TLN1: variants seen among roughly 807,000 people sequenced by gnomAD.
TLN1 encodes the protein talin 1, also known as talin-1.
A neutral mutation model predicts 292.3 loss-of-function variants in TLN1; 56 were observed. That is an observed-to-expected ratio of 0.19 (90% CI 0.15 to 0.24). The LOEUF (loss-of-function observed/expected upper bound fraction) is 0.24, where lower values mean the gene tolerates loss of function less well. TLN1 is among the 10% of genes least tolerant of loss of function. TLN1 has a pLI of 1.00. For missense variants in TLN1, 2,433 were observed against 3,248.2 expected (o/e 0.75, Z 6.10); for synonymous variants, 1,119 against 1,253.7 (o/e 0.89, Z 2.27).
chr9:35,708,061 T>C (rs1825596593), intron 34 of TLN1, 169 bp from the exon 35 acceptor site: 1 of 816,000 alleles, frequency 1.2e-6, no homozygotes, highest in African/African-American at 1.7e-5. Context: ...TACCCAAAGA[T>C]GAACTGGGCA....
chr9:35,704,915 T>C lies in TLN1; in HGVS notation c.5734-100A>G, dbSNP rs1825536704. ...CTAAGGACATAGAAAAAAACATGCA[T>C]TGTAGACTAAAGAAGCAGAGAGAGA... is the stretch of plus-strand genomic sequence containing the variant. On this transcript the variant is annotated intron_variant, in intron 43 of 56. Coordinates refer to ENST00000314888, the MANE Select transcript of TLN1 (RefSeq NM_006289.4). This position sits in a 1 kb window ranked among gnomAD's most constrained non-coding sequence, Gnocchi z 6.9. 2.2e-6 allele frequency: 3 copies of C among 1,371,506 alleles called. No homozygotes were observed. The East Asian group carries it at 7.1e-5, about 32-fold the overall frequency. 85.0% of individuals were successfully genotyped at this position (1,371,506 alleles called of 1,614,324 possible).
At position 35,704,618 on chromosome 9, in the gene TLN1, G is replaced by C; in HGVS notation, c.5880+51C>G. 1.9e-6 allele frequency: 3 copies of C among 1,607,258 alleles called. No individual in the cohort carries two copies. Among genetic ancestry groups the C allele is most frequent in the African/African-American group, 1.3e-5 (1 of 74,940 alleles). On this transcript the variant is annotated intron_variant, in intron 44 of 56. Coordinates refer to ENST00000314888, the MANE Select transcript of TLN1 (RefSeq NM_006289.4). The surrounding 1 kb of genome is among the most constrained non-coding windows in gnomAD (Gnocchi z 6.9). Reference sequence around the variant, plus strand: ...AGAGGGCTGGAGGAGGATGGCAAAGGCTACAGAGTTTGGAGGCAGTCCCAC... The same window carrying C: ...AGAGGGCTGGAGGAGGATGGCAAAGCCTACAGAGTTTGGAGGCAGTCCCAC...
rs1024861563 is a variant in TLN1, at chr9:35,723,984, G to A, written c.750C>T (p.His250=). The part of the protein sequence containing the change: ...GFQCQIQFGP[H]NEQKHKAGFL... ...AGCCAGCCTTGTGCTTCTGCTCATT[G>A]TGGGGCCCAAACTGGATCTGGCATT... The change falls in exon 7 of 57, where the codon CAC becomes CAT. Residue 250 remains histidine (H), a synonymous_variant. Coordinates refer to ENST00000314888, the MANE Select transcript of TLN1 (RefSeq NM_006289.4). The A allele has an allele frequency of 6.2e-7, 1 of 1,614,148 alleles. No homozygotes were observed. The highest frequency in any genetic ancestry group is 8.5e-7 in the Non-Finnish European group (1 of 1,180,010).
intron 1 of TLN1, among the ~76,000 whole-genome samples, chr9:35,729,118 T>C (rs1379255593): frequency 6.6e-6 from 1 of 152,194 alleles, no homozygotes; most frequent in Non-Finnish European, 1.5e-5. Flanking sequence ...ATCCTTACAG[T>C]AGGTGTCATT....
chr9:35,702,778 T>C (rs1308346698), intron 48 of TLN1, among the ~76,000 whole-genome samples: 1 of 151,684 alleles, frequency 6.6e-6, no homozygotes, highest in Non-Finnish European at 1.5e-5. Context: ...CCCGCTGGCC[T>C]CCCAAAGTGC....
chr9:35,698,271 C>G lies in TLN1; in HGVS notation c.7371+52G>C. 6.2e-7 allele frequency: 1 copy of G among 1,608,380 alleles called. No individual in the cohort carries two copies. The highest frequency in any genetic ancestry group is 1.1e-5 in the South Asian group (1 of 90,756). ...ATAGAAACATACATCTCGGGAGTGA[C>G]AGTTTGAAGCAGTATAGCCCAAGGG... On this transcript the variant is annotated intron_variant, in intron 55 of 56. Coordinates refer to ENST00000314888, the MANE Select transcript of TLN1 (RefSeq NM_006289.4). This position sits in a 1 kb window ranked among gnomAD's most constrained non-coding sequence, Gnocchi z 5.3.
rs1825815018 is a variant in TLN1 at position 35,717,978 on chromosome 9, C to T, written c.1996-192G>A. On this transcript the variant is annotated intron_variant, in intron 17 of 56. Coordinates refer to ENST00000314888, the MANE Select transcript of TLN1 (RefSeq NM_006289.4). This position sits in a 1 kb window ranked among gnomAD's most constrained non-coding sequence, Gnocchi z 4.7. ...CAGAACCCCCACCGAGGAACAAACC[C>T]ACACCAAGAGAAAATACAGCCTACA... Among the ~76,000 whole-genome samples the T allele has an allele frequency of 6.6e-6, 1 of 152,176 alleles. No homozygotes were observed. Among genetic ancestry groups the T allele is most frequent in the Admixed American group, 6.5e-5 (1 of 15,276 alleles).
intron 33 of TLN1, 46 bp downstream of exon 33, chr9:35,710,515 T>A (rs1587981459): frequency 6.3e-7 from 1 of 1,585,668 alleles, no homozygotes; most frequent in African/African-American, 1.4e-5. Flanking sequence ...GAAAATGGGG[T>A]AAAGAAAGTA....
chr9:35,724,658 G>T lies in TLN1; in HGVS notation c.425C>A (p.Thr142Lys). 3 of 1,614,148 alleles carry T rather than the reference G, an allele frequency of 1.9e-6. No individual in the cohort carries two copies. Among genetic ancestry groups the T allele is most frequent in the Non-Finnish European group, 2.5e-6 (3 of 1,180,048 alleles). Residue 142 changes from threonine to lysine, a missense_variant, in exon 5 of 57, where the codon ACA (threonine) becomes AAA (lysine). Coordinates refer to ENST00000314888, the MANE Select transcript of TLN1 (RefSeq NM_006289.4). This position sits in a 1 kb window ranked among gnomAD's most constrained non-coding sequence, Gnocchi z 4.7. ...ELMEEKKEEI[T>K]GTLRKDKTLL... ...TGTCTTGTCCTTTCTTAAGGTCCCT[G>T]TTATTTCCTCCTTTTTCTCTTCCAT...
Position 35,719,741 on chromosome 9 carries a change from G to A in TLN1, c.1577C>T (p.Ala526Val), listed in dbSNP as rs1161314089. 6.2e-7 allele frequency: 1 copy of A among 1,609,924 alleles called. No individual in the cohort carries two copies. Among genetic ancestry groups the A allele is most frequent in the South Asian group, 1.1e-5 (1 of 90,482 alleles). Reference protein sequence around the residue: ...FDTLPPLGQDAASKAWRKNKM... With the variant: ...FDTLPPLGQDVASKAWRKNKM... ...GCCTCTCCTCCATCCCATACTTACA[G>A]CATCCTGGCCAAGAGGCGGCAGAGT... Residue 526 changes from alanine to valine, a missense_variant and splice_region_variant, in exon 14 of 57, where the codon GCT (alanine) becomes GTT (valine). By Grantham distance (64) the Ala-to-Val change is moderately conservative (BLOSUM62 0). Coordinates refer to ENST00000314888, the MANE Select transcript of TLN1 (RefSeq NM_006289.4). The surrounding 1 kb of genome is among the most constrained non-coding windows in gnomAD (Gnocchi z 4.6).
Position 35,720,170 on chromosome 9 carries a change from C to A in TLN1, c.1333G>T (p.Gly445Cys), listed in dbSNP as rs1288394763. 1 of 1,609,090 alleles carries A rather than the reference C, an allele frequency of 6.2e-7. No homozygotes were observed. The highest frequency in any genetic ancestry group is 1.1e-5 in the South Asian group (1 of 90,344). The change falls in exon 13 of 57, where the codon GGC becomes TGC. Residue 445 changes from glycine to cysteine, a missense_variant. Gly to Cys is a radical substitution (Grantham distance 159, BLOSUM62 -3). Around this residue, in one of 7 missense-constraint regions of TLN1, gnomAD observed 617 missense variants for 770.6 expected, o/e 0.80. Coordinates refer to ENST00000314888, the MANE Select transcript of TLN1 (RefSeq NM_006289.4). ...QYNRVGKVEH[G>C]SVALPAIMRS... is the part of the protein sequence containing the mutation. ...ATGATGGCAGGCAGGGCCACAGAGC[C>A]ATGCTCCACTTTCCCCACCCGGTTG...
In TLN1 at chr9:35,698,224, G is replaced by A; in HGVS notation, c.7372-52C>T. 6.2e-7 allele frequency: 1 copy of A among 1,610,942 alleles called. No individual in the cohort carries two copies. The highest frequency in any genetic ancestry group is 8.5e-7 in the Non-Finnish European group (1 of 1,177,826). ...TGAGAACTCAGGTACGGTCCCAGTT[G>A]AGACAGTACCTCAATTCTCTCATAG... On this transcript the variant is annotated intron_variant, in intron 55 of 56. Coordinates refer to ENST00000314888, the MANE Select transcript of TLN1 (RefSeq NM_006289.4). This position sits in a 1 kb window ranked among gnomAD's most constrained non-coding sequence, Gnocchi z 5.3.
intron 1 of TLN1, among the ~76,000 whole-genome samples, chr9:35,728,913 C>T (rs190323964): frequency 6.6e-6 from 1 of 152,164 alleles, no homozygotes; most frequent in African/African-American, 2.4e-5. Flanking sequence ...AGAATCACAA[C>T]GGAGGGCAGG....
At position 35,714,706 on chromosome 9, in the gene TLN1, T is replaced by C; in HGVS notation, c.2872-19A>G. On this transcript the variant is annotated intron_variant, in intron 22 of 56. Transcript: ENST00000314888. The surrounding 1 kb of genome is among the most constrained non-coding windows in gnomAD (Gnocchi z 4.6). ...CCACTGCCTGTAGGTGAAAATGTCA[T>C]AAGAGACCCACAAGTCTCCCTCTTC... The C allele has an allele frequency of 3.1e-6, 5 of 1,613,576 alleles. No individual in the cohort carries two copies. Among genetic ancestry groups the C allele is most frequent in the East Asian group, 2.2e-5 (1 of 44,872 alleles).
chr9:35,722,380 A>T (rs1022158049), intron 8 of TLN1, among the ~76,000 whole-genome samples, 157 bp from the exon 9 acceptor site: 5 of 152,238 alleles, frequency 3.3e-5, no homozygotes, highest in African/African-American at 9.6e-5. Context: ...ATGGAGGCTG[A>T]TAAGGGCTAT....
Position 35,714,226 on chromosome 9 carries a change from C to A in TLN1, c.3120+13G>T. 6.2e-7 allele frequency: 1 copy of A among 1,601,772 alleles called. No homozygotes were observed. The highest frequency in any genetic ancestry group is 1.7e-4 in the Middle Eastern group (1 of 6,010). On this transcript the variant is annotated intron_variant, in intron 24 of 56. Coordinates refer to ENST00000314888, the MANE Select transcript of TLN1 (RefSeq NM_006289.4). The surrounding 1 kb of genome is among the most constrained non-coding windows in gnomAD (Gnocchi z 4.6). ...CCAGCCTCATCTTCCAAAGCCAGAA[C>A]CAGCTTCCATACCTTCTGGGCAGCC...
rs745813781 is a variant in TLN1 at position 35,721,750 on chromosome 9, C to T, written c.1002G>A (p.Lys334=). The part of the protein sequence containing the change: ...KLVPRLLGIT[K]ECVMRVDEKT... The stretch of plus-strand genomic sequence containing the variant: ...TCTCATCCACTCGCATCACACACTC[C>T]TTGGTGATGCCCAGAAGCCTGGGCA... The change falls in exon 10 of 57, where the codon AAG becomes AAA. Residue 334 remains lysine (K), a synonymous_variant. Coordinates refer to ENST00000314888, the MANE Select transcript of TLN1 (RefSeq NM_006289.4). The T allele has an allele frequency of 2.5e-6, 4 of 1,613,736 alleles. No homozygotes were observed. In the East Asian group the frequency reaches 8.9e-5, roughly 36 times the overall value.
Position 35,725,734 on chromosome 9 carries a change from C to G in TLN1, c.-33-7G>C, listed in dbSNP as rs1236020737. On this transcript the variant is annotated splice_polypyrimidine_tract_variant and splice_region_variant and intron_variant, in intron 1 of 56. Coordinates refer to ENST00000314888, the MANE Select transcript of TLN1 (RefSeq NM_006289.4). ...TTCTCCAGCCTGGCTATACCTGACC[C>G]ATGGCATCAGGGCATTAGAATACAC... is the stretch of plus-strand genomic sequence containing the variant. 4.4e-6 allele frequency: 7 copies of G among 1,608,850 alleles called. No individual in the cohort carries two copies. The African/African-American group carries it at 9.4e-5, about 21-fold the overall frequency.
chr9:35,716,461 T>C lies in TLN1; in HGVS notation c.2554A>G (p.Asn852Asp). The change falls in exon 20 of 57, where the codon AAC becomes GAC. Residue 852 changes from asparagine to aspartate, a missense_variant. Asn to Asp is a conservative substitution (Grantham distance 23). Around this residue, in one of 7 missense-constraint regions of TLN1, gnomAD observed 617 missense variants for 770.6 expected, o/e 0.80. Coordinates refer to ENST00000314888, the MANE Select transcript of TLN1 (RefSeq NM_006289.4). ...ADAEGESDLE[N>D]SRKLLSAAKI... is the part of the protein sequence containing the mutation. ...GCAGCACTTAAGAGCTTGCGGGAGT[T>C]CTCCAGATCACTTTCCCCCTCAGCA... is the stretch of plus-strand genomic sequence containing the variant. The C allele has an allele frequency of 1.9e-6, 3 of 1,614,160 alleles. No homozygotes were observed. Among genetic ancestry groups the C allele is most frequent in the Non-Finnish European group, 2.5e-6 (3 of 1,180,042 alleles).
Sources: gnomAD v4.1 joint callset for allele counts (sites outside exome capture counted in the v4.1 genomes callset) on GRCh38, gnomAD v4.1.1 for gene constraint, gnomAD v4.1.1 regional missense constraint, Gnocchi (gnomAD v3.1) non-coding constraint, MANE v1.5 for transcripts, NCBI Gene and HGNC (gene_info 2026-07-23, HGNC 2026-07-21) for gene names.